Variants in ARMH3 observed in about 807,000 individuals in gnomAD.
ARMH3 encodes the protein armadillo-like helical domain-containing protein 3.
In ARMH3, 60 loss-of-function variants were observed where a neutral mutation model predicts 99.1. The ratio of observed to expected loss-of-function variants is 0.61; its 90% CI spans 0.49 to 0.75. ARMH3 has a LOEUF of 0.75. Among genes scored for constraint, ARMH3 ranks in the 30% least tolerant of loss-of-function variants. The pLI, the probability that ARMH3 is intolerant of heterozygous loss-of-function variation, is 0.00. For missense variants in ARMH3, 679 were observed against 843.1 expected, an observed-to-expected ratio of 0.81 and a Z score of 2.41; for synonymous variants, 285 against 292.8, an observed-to-expected ratio of 0.97 and a Z score of 0.27.
intron 10 of ARMH3, 53 bp downstream of exon 10, chr10:102,012,780 A>G (rs1343079675): frequency 3.9e-6 from 6 of 1,531,100 alleles, no homozygotes; most frequent in Non-Finnish European, 4.5e-6. Flanking sequence ...AAACTCTAAC[A>G]ACCAATTCAA....
At chr10:102,012,679 C>T (rs2066657268) in intron 10 of ARMH3, among the ~76,000 whole-genome samples, 154 bp downstream of exon 10, 1 of 152,188 alleles carries the variant, frequency 6.6e-6, no homozygotes, top group South Asian at 2.1e-4. Context: ...CTAAGGCCAT[C>T]AAGCAAAGCT....
Position 102,029,700 on chromosome 10 carries a change from T to G in ARMH3, c.352A>C (p.Thr118Pro), listed in dbSNP as rs551149821. 6.2e-7 allele frequency: 1 copy of G among 1,614,150 alleles called. No individual in the cohort carries two copies. The highest frequency in any genetic ancestry group is 8.5e-7 in the Non-Finnish European group (1 of 1,180,030). The stretch of plus-strand genomic sequence containing the variant: ...ATGTTGATAATGTCAAACCCAGAGG[T>G]AGACTTATTCTTTTGATGGACTCCT... ...IRGVHQKNKS[T>P]SGFDIINMLM... is the part of the protein sequence containing the mutation. Residue 118 changes from threonine (T) to proline (P), a missense_variant, in exon 5 of 26, where the codon ACC becomes CCC. Coordinates refer to ENST00000370033, the MANE Select transcript of ARMH3 (RefSeq NM_024541.3).
chr10:101,991,083 T>A (rs1029245768), intron 18 of ARMH3, among the ~76,000 whole-genome samples: 6 of 152,370 alleles, frequency 3.9e-5, no homozygotes, highest in East Asian at 3.9e-4. Flanking sequence ...AAATGGGCTG[T>A]GGGGCTTTGG....
At chr10:102,040,193 T>C in intron 1 of ARMH3, 68 bp from the exon 2 acceptor site, 13 of 1,293,408 alleles carry the variant, frequency 1.0e-5, no homozygotes, top group South Asian at 2.4e-5. Context: ...GGCAGATATA[T>C]GTCATACATT....
intron 19 of ARMH3, among the ~76,000 whole-genome samples, chr10:101,976,168 C>CAAAA (rs780547260): frequency 2.2e-4 from 5 of 23,186 alleles, no homozygotes; most frequent in Non-Finnish European, 3.8e-4. Flanking sequence ...GACTCTGTCT[C>CAAAA]AAAAAAAAAA....
At chr10:102,039,509 C>T (rs2067357999) in intron 2 of ARMH3, among the ~76,000 whole-genome samples, 1 of 152,192 alleles carries the variant, frequency 6.6e-6, no homozygotes, top group African/African-American at 2.4e-5. Flanking sequence ...AGAAATCCCC[C>T]ACCCAATTAC....
chr10:102,007,646 CTG>C (rs2136093030), intron 13 of ARMH3, among the ~76,000 whole-genome samples: 1 of 129,700 alleles, frequency 7.7e-6, no homozygotes, highest in South Asian at 2.5e-4. Flanking sequence ...CAGTGAAACT[CTG>C]TCTCTACTAA....
At chr10:101,904,287 T>A (rs772043210) in intron 23 of ARMH3, among the ~76,000 whole-genome samples, 6 of 152,114 alleles carry the variant, frequency 3.9e-5, no homozygotes, top group Non-Finnish European at 7.4e-5. Flanking sequence ...CCAAGAGCAG[T>A]AAGGCGTCCA....
At chr10:101,976,585 T>C (rs755512958) in intron 19 of ARMH3, among the ~76,000 whole-genome samples, 3 of 152,106 alleles carry the variant, frequency 2.0e-5, no homozygotes, top group Non-Finnish European at 4.4e-5. Context: ...AATTAAACTA[T>C]TCTACTCAAA....
At chr10:102,030,712 AAATAAT>A (rs958464671) in intron 4 of ARMH3, among the ~76,000 whole-genome samples, 33 of 135,444 alleles carry the variant, frequency 2.4e-4, no homozygotes, top group Non-Finnish European at 5.1e-4. Context: ...TCCGTCTCAA[AAATAAT>A]AATAATAATA....
intron 20 of ARMH3, among the ~76,000 whole-genome samples, chr10:101,964,256 C>T (rs1590096460): frequency 6.6e-6 from 1 of 152,108 alleles, no homozygotes; most frequent in African/African-American, 2.4e-5. Context: ...GTGATCTGCC[C>T]GCCTTGGCTT....
chr10:101,878,454 A>G (rs2067323153), intron 24 of ARMH3, among the ~76,000 whole-genome samples: 1 of 151,660 alleles, frequency 6.6e-6, no homozygotes, highest in Admixed American at 6.6e-5. Flanking sequence ...AGCCTGGGCA[A>G]CATAGTAAGA....
chr10:102,054,645 T>C (rs1161105443), intron 1 of ARMH3, among the ~76,000 whole-genome samples: 1 of 152,120 alleles, frequency 6.6e-6, no homozygotes, highest in African/African-American at 2.4e-5. Context: ...CAAATCATAT[T>C]TACCCTAGTT....
At chr10:101,889,711 C>G (rs2067641190) in intron 23 of ARMH3, 2 of 511,536 alleles carry the variant, frequency 3.9e-6, no homozygotes, top group South Asian at 4.8e-5. Context: ...TAGAATCAAG[C>G]ATCTCTGCTC....
At chr10:101,858,964 A>T (rs1284094616) in intron 24 of ARMH3, among the ~76,000 whole-genome samples, 1 of 152,226 alleles carries the variant, frequency 6.6e-6, no homozygotes, top group Non-Finnish European at 1.5e-5. Context: ...ACGTGGTAAG[A>T]TTAGAGTTAG....
intron 2 of ARMH3, among the ~76,000 whole-genome samples, chr10:102,038,336 C>T (rs888589209): frequency 7.9e-5 from 12 of 152,046 alleles, no homozygotes; most frequent in African/African-American, 2.4e-4. Context: ...CCTCGTGATC[C>T]GCCCACCTCG....
intron 8 of ARMH3, among the ~76,000 whole-genome samples, chr10:102,019,582 TTGTG>T (rs747487222): frequency 2.0e-5 from 3 of 151,892 alleles, no homozygotes; most frequent in Non-Finnish European, 4.4e-5. Flanking sequence ...CTATGCTAAT[TTGTG>T]TGTGTGTGTC....
At chr10:101,908,273 C>A (rs1180163397) in intron 23 of ARMH3, among the ~76,000 whole-genome samples, 1 of 152,156 alleles carries the variant, frequency 6.6e-6, no homozygotes, top group Non-Finnish European at 1.5e-5. Context: ...CATGTAAATA[C>A]ATCATCAATC....
At chr10:101,878,789 T>C (rs1269433114) in intron 24 of ARMH3, among the ~76,000 whole-genome samples, 1 of 151,834 alleles carries the variant, frequency 6.6e-6, no homozygotes, top group Non-Finnish European at 1.5e-5. Context: ...ATTGTGTTAC[T>C]GCACTCCAGC....
Sources: allele counts gnomAD v4.1 joint callset (sites outside exome capture counted in the v4.1 genomes callset), GRCh38; gene constraint gnomAD v4.1.1; transcripts MANE v1.5; gene names NCBI Gene and HGNC (gene_info 2026-07-23, HGNC 2026-07-21).